HDAC9: variants seen among roughly 807,000 people sequenced by gnomAD.
HDAC9 encodes the protein histone deacetylase 9, also known as MEF-2 interacting transcription repressor (MITR) protein.
HDAC9 carries 41 observed loss-of-function variants against 139.4 expected under a neutral mutation model. That is an observed-to-expected ratio of 0.29 (90% CI 0.23 to 0.38). HDAC9 has a LOEUF of 0.38. HDAC9 is among the 10% of genes least tolerant of loss of function. HDAC9 has a pLI of 1.00. For synonymous variants in HDAC9, 517 were observed against 476.2 expected (o/e 1.09, Z -1.12); for missense variants, 1,147 against 1,297.0 (o/e 0.88, Z 1.78).
intron 22 of HDAC9, among the ~76,000 whole-genome samples, chr7:18,893,822 A>G (rs915965455): frequency 6.6e-6 from 1 of 152,140 alleles, no homozygotes; most frequent in Non-Finnish European, 1.5e-5. Context: ...CTCACTTATA[A>G]ATGATGTTTG....
At chr7:18,509,410 G>A (rs1800771489) in intron 2 of HDAC9, 1 of 985,410 alleles carries the variant, frequency 1.0e-6, no homozygotes, top group South Asian at 4.7e-5. Flanking sequence ...CCTGGCCAAC[G>A]TGCTTTGTGG....
intron 2 of HDAC9, among the ~76,000 whole-genome samples, chr7:18,538,092 T>A (rs1453481252): frequency 6.6e-6 from 1 of 152,242 alleles, no homozygotes; most frequent in African/African-American, 2.4e-5. Flanking sequence ...AGTTTTTTTC[T>A]GTAACAATTG....
intron 6 of HDAC9, among the ~76,000 whole-genome samples, chr7:18,614,711 A>T (rs1018664593): frequency 6.6e-6 from 1 of 152,162 alleles, no homozygotes; most frequent in Non-Finnish European, 1.5e-5. Context: ...TTTTCTACCC[A>T]TCATAAGTAC....
chr7:18,681,344 T>A (rs1180231184), intron 12 of HDAC9, among the ~76,000 whole-genome samples: 1 of 152,070 alleles, frequency 6.6e-6, no homozygotes, highest in Non-Finnish European at 1.5e-5. Context: ...GTTCTCAATA[T>A]TTTAGCCTTT....
At chr7:18,917,044 G>A (rs1259145091) in intron 22 of HDAC9, among the ~76,000 whole-genome samples, 18 of 151,968 alleles carry the variant, frequency 1.2e-4, no homozygotes, top group Admixed American at 9.8e-4. Context: ...CCCAATCAGA[G>A]ATGATACACT....
At chr7:18,290,754 AC>A (rs1414873595) in intron 1 of HDAC9, among the ~76,000 whole-genome samples, 1 of 152,208 alleles carries the variant, frequency 6.6e-6, no homozygotes, top group Non-Finnish European at 1.5e-5. Flanking sequence ...GATAGACAAG[AC>A]TAAAGTATTT....
chr7:18,451,606 TGTATCCACTGATTTATGTGGATATAGAG>T (rs1158477405), intron 1 of HDAC9, among the ~76,000 whole-genome samples: 4 of 151,984 alleles, frequency 2.6e-5, no homozygotes, highest in Admixed American at 6.6e-5. Context: ...ACTGATGCAT[TGTATCCACTGATTTATGTGGATATAGAG>T]GTATCCACTG....
At chr7:18,840,979 C>A (rs939278051) in intron 21 of HDAC9, among the ~76,000 whole-genome samples, 5 of 152,058 alleles carry the variant, frequency 3.3e-5, no homozygotes, top group African/African-American at 1.2e-4. Flanking sequence ...ATTGTCATAT[C>A]CACACTGCAA....
chr7:18,464,840 TC>T (rs1396913590), intron 1 of HDAC9, among the ~76,000 whole-genome samples: 1 of 152,048 alleles, frequency 6.6e-6, no homozygotes, highest in African/African-American at 2.4e-5. Flanking sequence ...TCAATTTATG[TC>T]CTCTAAGATT....
chr7:18,243,065 T>G (rs1424815003), intron 2 of HDAC9, among the ~76,000 whole-genome samples: 1 of 152,074 alleles, frequency 6.6e-6, no homozygotes, highest in Non-Finnish European at 1.5e-5. Flanking sequence ...ATGTTTAGAG[T>G]CTTGTTGATT....
intron 1 of HDAC9, among the ~76,000 whole-genome samples, chr7:18,343,762 T>G (rs1782192567): frequency 6.6e-6 from 1 of 151,870 alleles, no homozygotes; most frequent in Admixed American, 6.6e-5. Flanking sequence ...TTATGGGTAC[T>G]GAACTGCATT....
chr7:18,568,026 G>GTATATATATA lies in HDAC9; in HGVS notation c.23-17237_23-17228dup, dbSNP rs36203178. Among the ~76,000 whole-genome samples the GTATATATATA allele has an allele frequency of 9.9e-3, 1,256 of 126,696 alleles. 37 individuals carry two copies. Among genetic ancestry groups the GTATATATATA allele is most frequent in the African/African-American group, 0.035 (1,135 of 32,620 alleles). 83.1% of individuals were successfully genotyped at this position (126,696 alleles called of 152,430 possible). ...TTATACATACAGGATATATGTATAT[G>GTATATATATA]TATATATATATATATATATATATAT... is the stretch of plus-strand genomic sequence containing the variant. On this transcript the variant is annotated intron_variant, in intron 2 of 25. Transcript: ENST00000686413.
chr7:18,560,824 C>T (rs1303055849), intron 2 of HDAC9, among the ~76,000 whole-genome samples: 1 of 152,034 alleles, frequency 6.6e-6, no homozygotes, highest in Non-Finnish European at 1.5e-5. Flanking sequence ...GGAGCATTAG[C>T]TTGGTAGAGA....
At chr7:18,975,138 TA>T (rs1784472373) in intron 24 of HDAC9, among the ~76,000 whole-genome samples, 1 of 152,216 alleles carries the variant, frequency 6.6e-6, no homozygotes, top group Admixed American at 6.5e-5. Context: ...AATGACCTTC[TA>T]TTTTCCTCTC....
chr7:18,698,844 A>T (rs1783247944), intron 12 of HDAC9, among the ~76,000 whole-genome samples: 1 of 152,088 alleles, frequency 6.6e-6, no homozygotes, highest in African/African-American at 2.4e-5. Context: ...CACATTAGTT[A>T]TCAAAGATCT....
chr7:18,241,206 T>C (rs1288583047), intron 2 of HDAC9, among the ~76,000 whole-genome samples: 3 of 152,228 alleles, frequency 2.0e-5, no homozygotes, highest in Non-Finnish European at 4.4e-5. Flanking sequence ...TGTAGTTATT[T>C]AGTTTGTTAA....
At chr7:18,651,333 A>G (rs1584607067) in intron 11 of HDAC9, among the ~76,000 whole-genome samples, 1 of 152,218 alleles carries the variant, frequency 6.6e-6, no homozygotes, top group Non-Finnish European at 1.5e-5. Flanking sequence ...ATAGCAGGAA[A>G]TACAGGCACA....
chr7:18,377,164 C>G (rs1785056079), intron 1 of HDAC9, among the ~76,000 whole-genome samples: 2 of 151,996 alleles, frequency 1.3e-5, no homozygotes, highest in South Asian at 4.2e-4. Flanking sequence ...GAGCCTGCTT[C>G]CTGATTCATA....
rs1814245763 is a variant in HDAC9 at position 18,544,853 on chromosome 7, T to C, written c.23-40428T>C. ...AGCCATGATGCTATTCCTTGGCAAA[T>C]GTTGACTTACTTATCTGTTTCTTCC... On this transcript the variant is annotated intron_variant, in intron 2 of 25. Coordinates refer to ENST00000686413, the MANE Select transcript of HDAC9 (RefSeq NM_178425.4). Among the ~76,000 whole-genome samples, 4 of 152,198 alleles carry C rather than the reference T, an allele frequency of 2.6e-5. No individual in the cohort carries two copies. In the South Asian group the frequency reaches 8.3e-4, roughly 31 times the overall value.
Sources: allele counts gnomAD v4.1 joint callset (sites outside exome capture counted in the v4.1 genomes callset), GRCh38; gene constraint gnomAD v4.1.1; transcripts MANE v1.5; gene names NCBI Gene and HGNC (gene_info 2026-07-23, HGNC 2026-07-21).